Variants in CCDC178 observed in about 807,000 individuals in gnomAD.
CCDC178 encodes coiled-coil domain-containing protein 178.
In CCDC178, 126 loss-of-function variants were observed where a neutral mutation model predicts 117.4. That is an observed-to-expected ratio of 1.07 (90% CI 0.93 to 1.24). The LOEUF is 1.24. Among genes scored for constraint, CCDC178 ranks in the 50% most tolerant of loss-of-function variants. The pLI is 0.00. For synonymous variants in CCDC178, 283 were observed against 313.4 expected, an observed-to-expected ratio of 0.90 and a Z score of 1.02; for missense variants, 1,030 against 986.9, an observed-to-expected ratio of 1.04 and a Z score of -0.59.
chr18:33,410,758 T>C (rs2144894281), intron 3 of CCDC178, among the ~76,000 whole-genome samples: 1 of 152,308 alleles, frequency 6.6e-6, no homozygotes, highest in Admixed American at 6.5e-5. Flanking sequence ...TCTAATCTCC[T>C]ACCCATAGAT....
chr18:32,953,588 C>T (rs1395450786), intron 22 of CCDC178, among the ~76,000 whole-genome samples: 1 of 152,142 alleles, frequency 6.6e-6, no homozygotes, highest in Non-Finnish European at 1.5e-5. Context: ...CTGAACTCAT[C>T]TTTGACACTC....
intron 21 of CCDC178, among the ~76,000 whole-genome samples, chr18:32,993,396 CA>C (rs2055434369): frequency 6.6e-6 from 1 of 152,138 alleles, no homozygotes. Context: ...CCCGACAACC[CA>C]ATTGTCCCTT....
At chr18:33,130,268 T>C (rs1050874881) in intron 20 of CCDC178, among the ~76,000 whole-genome samples, 1 of 152,020 alleles carries the variant, frequency 6.6e-6, no homozygotes, top group African/African-American at 2.4e-5. Flanking sequence ...TTGGAATATA[T>C]CTTTTAACAA....
intron 20 of CCDC178, among the ~76,000 whole-genome samples, chr18:33,206,109 A>G (rs2059042382): frequency 6.6e-6 from 1 of 152,210 alleles, no homozygotes; most frequent in Admixed American, 6.5e-5. Flanking sequence ...TATGTCAGCT[A>G]TTTATTTATT....
intron 11 of CCDC178, among the ~76,000 whole-genome samples, chr18:33,318,308 T>C (rs531762500): frequency 2.1e-4 from 32 of 152,258 alleles, no homozygotes; most frequent in African/African-American, 7.2e-4. Context: ...GTAAAATGAA[T>C]ATCAGGGAGG....
chr18:32,993,290 A>C (rs1598764659), intron 21 of CCDC178, among the ~76,000 whole-genome samples: 1 of 152,344 alleles, frequency 6.6e-6, no homozygotes, highest in African/African-American at 2.4e-5. Context: ...GACAGGGTGG[A>C]AGCAGCTTTC....
intron 21 of CCDC178, among the ~76,000 whole-genome samples, chr18:33,017,514 C>T (rs2056016832): frequency 6.6e-6 from 1 of 151,910 alleles, no homozygotes; most frequent in South Asian, 2.1e-4. Flanking sequence ...GGCAATACTT[C>T]CGAAATTCAT....
intron 2 of CCDC178, among the ~76,000 whole-genome samples, chr18:33,417,630 T>C (rs149049013): frequency 1.3e-5 from 2 of 152,286 alleles, no homozygotes; most frequent in African/African-American, 4.8e-5. Context: ...ATAAATTTTA[T>C]GGTATTATTG....
chr18:32,983,444 C>T, intron 21 of CCDC178: 1 of 706,244 alleles, frequency 1.4e-6, no homozygotes, highest in South Asian at 1.8e-5. Context: ...AATAGTACAA[C>T]TGTAGAAGCA....
chr18:33,050,075 C>T (rs887379632), intron 21 of CCDC178, among the ~76,000 whole-genome samples: 5 of 151,998 alleles, frequency 3.3e-5, no homozygotes, highest in African/African-American at 1.2e-4. Context: ...AGCAAGACTC[C>T]ATCTCAAAAA....
chr18:33,364,692 G>A lies in CCDC178; in HGVS notation c.348+5358C>T, dbSNP rs1229084674. 3.3e-5 allele frequency among the ~76,000 whole-genome samples: 5 copies of A among 150,790 alleles called. No homozygotes were observed. The East Asian group carries it at 9.8e-4, about 30-fold the overall frequency. On this transcript the variant is annotated intron_variant, in intron 6 of 22. Coordinates refer to ENST00000383096, the MANE Select transcript of CCDC178 (RefSeq NM_001105528.4). ...ATATTTGTGTTCAGGGATGTCCATA[G>A]GTGAGATAACAACAGTTTGAAGCAT...
chr18:32,989,810 G>A (rs1172298910), intron 21 of CCDC178, among the ~76,000 whole-genome samples: 5 of 151,576 alleles, frequency 3.3e-5, no homozygotes, highest in Non-Finnish European at 5.9e-5. Context: ...AGTGAGATAA[G>A]GAAAAAACTC....
chr18:33,272,161 A>G (rs1016999413), intron 12 of CCDC178, among the ~76,000 whole-genome samples: 15 of 151,640 alleles, frequency 9.9e-5, no homozygotes, highest in Admixed American at 9.2e-4. Context: ...TTGACAAAAT[A>G]CTGTATACAC....
chr18:33,239,908 C>T (rs1046506336), intron 15 of CCDC178, among the ~76,000 whole-genome samples: 2 of 151,868 alleles, frequency 1.3e-5, no homozygotes, highest in African/African-American at 2.4e-5. Flanking sequence ...ATTTAGAGAA[C>T]ATTTCATTGA....
At chr18:33,180,968 T>C (rs1392947285) in intron 20 of CCDC178, among the ~76,000 whole-genome samples, 1 of 152,006 alleles carries the variant, frequency 6.6e-6, no homozygotes, top group Admixed American at 6.6e-5. Flanking sequence ...GGGCATAATG[T>C]CACAATTTGG....
intron 2 of CCDC178, among the ~76,000 whole-genome samples, chr18:33,425,279 C>A (rs2064105581): frequency 6.6e-6 from 1 of 151,954 alleles, no homozygotes; most frequent in Admixed American, 6.6e-5. Flanking sequence ...TGACTGTCCT[C>A]AATTAATTTA....
intron 14 of CCDC178, among the ~76,000 whole-genome samples, chr18:33,255,075 T>C (rs1599059986): frequency 6.6e-6 from 1 of 151,842 alleles, no homozygotes; most frequent in Non-Finnish European, 1.5e-5. Context: ...CCCATGAGAG[T>C]GGGTTGTTAT....
intron 5 of CCDC178, among the ~76,000 whole-genome samples, chr18:33,381,846 A>AT (rs147897596): frequency 0.018 from 2,618 of 144,416 alleles, 39 homozygotes; most frequent in East Asian, 0.074. Flanking sequence ...TTTATATTCT[A>AT]TTTTTTTTTT....
intron 20 of CCDC178, among the ~76,000 whole-genome samples, chr18:33,146,121 T>C (rs1310636011): frequency 6.6e-6 from 1 of 152,220 alleles, no homozygotes; most frequent in Non-Finnish European, 1.5e-5. Context: ...GATACTGATA[T>C]TTGATAATGC....
Sources: allele counts gnomAD v4.1 joint callset (sites outside exome capture counted in the v4.1 genomes callset), GRCh38; gene constraint gnomAD v4.1.1; transcripts MANE v1.5; gene names NCBI Gene and HGNC (gene_info 2026-07-23, HGNC 2026-07-21).